Variants in TBC1D5 observed in about 807,000 individuals in gnomAD.
TBC1D5 encodes TBC1 domain family member 5.
A neutral mutation model predicts 100.3 loss-of-function variants in TBC1D5; 75 were observed. The observed-to-expected ratio is 0.75, with a 90% CI of 0.62 to 0.91. TBC1D5 has a LOEUF of 0.91. Ranked by LOEUF, TBC1D5 falls within the 40% of genes least tolerant of loss-of-function variation. The pLI is 0.00. For synonymous variants in TBC1D5, 323 were observed against 325.6 expected (o/e 0.99, Z 0.09); for missense variants, 910 against 942.4 (o/e 0.97, Z 0.45).
intron 13 of TBC1D5, among the ~76,000 whole-genome samples, chr3:17,345,163 C>T (rs1381971377): frequency 1.3e-5 from 2 of 151,842 alleles, no homozygotes; most frequent in African/African-American, 4.8e-5. Flanking sequence ...TTTTTGCAAC[C>T]TACTCATCTG....
At chr3:17,441,084 TATC>T (rs1324051156) in intron 3 of TBC1D5, among the ~76,000 whole-genome samples, 2 of 152,186 alleles carry the variant, frequency 1.3e-5, no homozygotes, top group African/African-American at 4.8e-5. Flanking sequence ...ATAGAATAGT[TATC>T]AACATTGATG....
At chr3:17,545,057 T>A (rs992286391) in intron 2 of TBC1D5, among the ~76,000 whole-genome samples, 4 of 152,096 alleles carry the variant, frequency 2.6e-5, no homozygotes, top group Admixed American at 6.5e-5. Context: ...GATCAATTTT[T>A]AAAAATAATA....
intron 3 of TBC1D5, among the ~76,000 whole-genome samples, chr3:17,463,941 T>TC (rs2095258163): frequency 1.4e-5 from 2 of 145,584 alleles, no homozygotes; most frequent in Admixed American, 6.8e-5. Context: ...CATTCCTTAT[T>TC]CCTTTTTTTT....
At chr3:17,569,789 A>T (rs1312043014) in intron 2 of TBC1D5, among the ~76,000 whole-genome samples, 2 of 151,502 alleles carry the variant, frequency 1.3e-5, no homozygotes, top group African/African-American at 4.8e-5. Context: ...GTAAATATAT[A>T]AATACATGTT....
intron 14 of TBC1D5, among the ~76,000 whole-genome samples, chr3:17,301,118 G>C (rs2082782375): frequency 6.6e-6 from 1 of 150,790 alleles, no homozygotes. Context: ...TAGTGTTTTA[G>C]CTATTAATGC....
Position 17,195,448 on chromosome 3 carries a change from C to T in TBC1D5, c.1753-10240G>A, listed in dbSNP as rs578165692. 1.6e-4 allele frequency among the ~76,000 whole-genome samples: 24 copies of T among 152,352 alleles called. 1 individual carries two copies. In the South Asian group the frequency reaches 3.7e-3, roughly 24 times the overall value. ...AATGCTGGCTGGGCAAAACCATCTG[C>T]GTGCTCTCCCTTGCTGTTCCTGGCA... On this transcript the variant is annotated intron_variant, in intron 18 of 21. Transcript: ENST00000253692.
At chr3:17,710,356 G>A (rs542776451) in intron 1 of TBC1D5, among the ~76,000 whole-genome samples, 2 of 152,134 alleles carry the variant, frequency 1.3e-5, no homozygotes, top group Non-Finnish European at 2.9e-5. Context: ...CTTGAGGTCA[G>A]GAGTTCAAGA....
At chr3:17,538,536 CT>C (rs2153413633) in intron 2 of TBC1D5, among the ~76,000 whole-genome samples, 1 of 152,274 alleles carries the variant, frequency 6.6e-6, no homozygotes, top group South Asian at 2.1e-4. Context: ...TTCACTCCTG[CT>C]TTAAAACTTT....
intron 2 of TBC1D5, among the ~76,000 whole-genome samples, chr3:17,544,477 C>T (rs908050698): frequency 9.2e-5 from 14 of 151,840 alleles, no homozygotes; most frequent in Admixed American, 2.6e-4. Flanking sequence ...ATGGTGAAAC[C>T]CCATCTCTAC....
intron 8 of TBC1D5, among the ~76,000 whole-genome samples, chr3:17,387,533 G>C (rs1003007917): frequency 3.3e-5 from 5 of 151,958 alleles, no homozygotes; most frequent in African/African-American, 7.2e-5. Flanking sequence ...ACATTTATAG[G>C]TATAAGAAAT....
intron 2 of TBC1D5, among the ~76,000 whole-genome samples, chr3:17,559,627 T>C (rs576545775): frequency 6.5e-4 from 98 of 151,742 alleles, no homozygotes; most frequent in African/African-American, 2.3e-3. Flanking sequence ...TCTTGCACTG[T>C]TGCCCTGGCT....
chr3:17,313,216 C>T (rs1449378435), intron 13 of TBC1D5, among the ~76,000 whole-genome samples: 1 of 152,152 alleles, frequency 6.6e-6, no homozygotes, highest in Non-Finnish European at 1.5e-5. Flanking sequence ...AGTAACCTCT[C>T]TACCCTATCA....
chr3:17,639,334 T>TA (rs2064276208), intron 1 of TBC1D5, among the ~76,000 whole-genome samples: 1 of 151,828 alleles, frequency 6.6e-6, no homozygotes, highest in East Asian at 1.9e-4. Context: ...CTATAAACAC[T>TA]AAAAAATAAA....
At chr3:17,389,317 T>C (rs1262435749) in intron 8 of TBC1D5, among the ~76,000 whole-genome samples, 1 of 152,126 alleles carries the variant, frequency 6.6e-6, no homozygotes, top group Non-Finnish European at 1.5e-5. Context: ...TGACATAATT[T>C]GAGAACATGT....
At chr3:17,392,044 T>C (rs2152329387) in intron 8 of TBC1D5, among the ~76,000 whole-genome samples, 1 of 152,164 alleles carries the variant, frequency 6.6e-6, no homozygotes, top group South Asian at 2.1e-4. Flanking sequence ...GATACCAACA[T>C]TAACACACTG....
intron 2 of TBC1D5, among the ~76,000 whole-genome samples, chr3:17,521,338 C>G (rs58790051): frequency 0.069 from 10,492 of 152,186 alleles, 709 homozygotes; most frequent in African/African-American, 0.18. Flanking sequence ...CAATGTGAAG[C>G]CAACAAGGGT....
intron 13 of TBC1D5, among the ~76,000 whole-genome samples, chr3:17,349,951 T>C (rs1361958067): frequency 2.0e-5 from 3 of 152,238 alleles, no homozygotes; most frequent in Non-Finnish European, 4.4e-5. Context: ...ATTTTAGATA[T>C]GTAAAGAGTT....
chr3:17,284,123 C>T (rs1252032790), intron 15 of TBC1D5, among the ~76,000 whole-genome samples: 2 of 150,704 alleles, frequency 1.3e-5, no homozygotes, highest in Admixed American at 1.3e-4. Context: ...CACACACACA[C>T]GTATTTTTAA....
intron 13 of TBC1D5, among the ~76,000 whole-genome samples, chr3:17,347,541 T>C (rs770257147): frequency 1.3e-5 from 2 of 152,120 alleles, no homozygotes; most frequent in Non-Finnish European, 2.9e-5. Flanking sequence ...CCTAAATTTT[T>C]TTTCTGACAT....
Sources: allele counts gnomAD v4.1 joint callset (sites outside exome capture counted in the v4.1 genomes callset), GRCh38; gene constraint gnomAD v4.1.1; transcripts MANE v1.5; gene names NCBI Gene and HGNC (gene_info 2026-07-23, HGNC 2026-07-21).